The following GORASP2 variants were observed in gnomAD, a reference collection of about 807,000 sequenced individuals.
The protein encoded by GORASP2 is golgi reassembly stacking protein 2.
A neutral mutation model predicts 45.7 loss-of-function variants in GORASP2; 22 were observed. The observed-to-expected ratio is 0.48, with a 90% confidence interval of 0.34 to 0.69. GORASP2 has a LOEUF of 0.69. GORASP2 is among the 30% of genes least tolerant of loss of function. The pLI is 0.01. For missense variants in GORASP2, 491 were observed against 562.7 expected, an observed-to-expected ratio of 0.87 and a Z score of 1.29; for synonymous variants, 221 against 215.6, an observed-to-expected ratio of 1.02 and a Z score of -0.22.
chr2:170,964,590 T>C (rs1419694905), intron 9 of GORASP2, among the ~76,000 whole-genome samples: 1 of 151,862 alleles, frequency 6.6e-6, no homozygotes, highest in Non-Finnish European at 1.5e-5. Context: ...GAGGCGGAGG[T>C]TGTAGTGAGC....
At chr2:170,959,859 TC>T (rs1263283584) in intron 7 of GORASP2, among the ~76,000 whole-genome samples, 1 of 146,214 alleles carries the variant, frequency 6.8e-6, no homozygotes, top group Non-Finnish European at 1.5e-5. Flanking sequence ...TCTTGCTCTG[TC>T]GCTCAGGCTG....
intron 1 of GORASP2, among the ~76,000 whole-genome samples, chr2:170,934,929 GC>G (rs1703913002): frequency 6.6e-6 from 1 of 152,038 alleles, no homozygotes; most frequent in African/African-American, 2.4e-5. Flanking sequence ...GTAGAGATGG[GC>G]TTTCACCCTA....
chr2:170,965,214 C>G (rs1021363588), intron 9 of GORASP2, among the ~76,000 whole-genome samples: 2 of 152,142 alleles, frequency 1.3e-5, no homozygotes, highest in South Asian at 4.1e-4. Flanking sequence ...CACGCCTGGC[C>G]TTGCATTTTA....
rs1218396576 is a variant in GORASP2 at position 170,936,174 on chromosome 2, A to G, written c.63+6771A>G. 2.0e-5 allele frequency among the ~76,000 whole-genome samples: 3 copies of G among 151,368 alleles called. No individual in the cohort carries two copies. In the East Asian group the frequency reaches 5.8e-4, roughly 29 times the overall value. On this transcript the variant is annotated intron_variant, in intron 1 of 9. Coordinates refer to ENST00000234160, the MANE Select transcript of GORASP2 (RefSeq NM_015530.5). ...TATATTGATTGATTCACTATAAAATACTAATGTAAACTAGGAAATAGAAAG... is the reference window on the plus strand; with the variant it reads ...TATATTGATTGATTCACTATAAAATGCTAATGTAAACTAGGAAATAGAAAG...
chr2:170,934,517 C>G (rs1163318942), intron 1 of GORASP2, among the ~76,000 whole-genome samples: 2 of 152,082 alleles, frequency 1.3e-5, no homozygotes, highest in African/African-American at 4.8e-5. Context: ...GCCTCCACCT[C>G]CGACAAGTGC....
At position 170,966,495 on chromosome 2, in the gene GORASP2, A is replaced by G. The variant is rs777569508; in HGVS notation, c.*365A>G. 8 of 324,622 alleles carry G rather than the reference A, an allele frequency of 2.5e-5. No individual in the cohort carries two copies. The highest frequency in any genetic ancestry group is 8.7e-5 in the African/African-American group (4 of 45,882). The allele number at this position is 324,622 out of a possible 1,614,324, so 20.1% of individuals were successfully genotyped here. A position where few individuals can be genotyped will look rare whatever the true frequency, so the allele number is the denominator to read the frequency against. ...CTTCCGTAAGAAAATGAAATATTCT[A>G]TGCCTAATACTCACACGCAACATTT... On this transcript the variant is annotated 3_prime_UTR_variant, in exon 10 of 10. Coordinates refer to ENST00000234160, the MANE Select transcript of GORASP2 (RefSeq NM_015530.5).
chr2:170,954,357 AGT>A, intron 5 of GORASP2: 1 of 251,414 alleles, frequency 4.0e-6, no homozygotes, highest in Non-Finnish European at 7.5e-6. Flanking sequence ...ATAAATATGC[AGT>A]GTGTTGGATG....
chr2:170,929,979 A>G, intron 1 of GORASP2: 1 of 335,910 alleles, frequency 3.0e-6, no homozygotes, highest in Non-Finnish European at 6.2e-6. Flanking sequence ...GATTTTGACC[A>G]GACTTTTCCT....
chr2:170,960,048 T>A (rs1053991165), intron 7 of GORASP2, among the ~76,000 whole-genome samples: 3 of 152,122 alleles, frequency 2.0e-5, no homozygotes, highest in African/African-American at 2.4e-5. Context: ...CTTGAACCCC[T>A]GACCTCAGGT....
At chr2:170,940,513 A>G (rs1704050403) in intron 1 of GORASP2, among the ~76,000 whole-genome samples, 2 of 152,210 alleles carry the variant, frequency 1.3e-5, no homozygotes, top group African/African-American at 4.8e-5. Flanking sequence ...GGAAGAAGAG[A>G]TGAATGCTTC....
rs146844881 is a variant in GORASP2 at position 170,966,092 on chromosome 2, T to C, written c.1321T>C (p.Ser441Pro). The C allele has an allele frequency of 5.6e-6, 9 of 1,614,000 alleles. No individual in the cohort carries two copies. The African/African-American group carries it at 1.2e-4, about 22-fold the overall frequency. ...DSTPVSEKPV[S>P]AAVDANASES... is the part of the protein sequence containing the mutation. ...CACCCCAGTCAGCGAGAAGCCTGTT[T>C]CTGCGGCTGTGGATGCCAATGCTTC... is the stretch of plus-strand genomic sequence containing the variant. The change falls in exon 10 of 10, where the codon TCT becomes CCT. Residue 441 changes from serine (S) to proline (P), a missense_variant. This residue lies in a region of GORASP2 where 297 missense variants were observed against 292.3 expected (regional missense o/e 1.02). Coordinates refer to ENST00000234160, the MANE Select transcript of GORASP2 (RefSeq NM_015530.5).
chr2:170,961,272 AC>A (rs1704553116), intron 7 of GORASP2, among the ~76,000 whole-genome samples: 1 of 152,154 alleles, frequency 6.6e-6, no homozygotes, highest in Non-Finnish European at 1.5e-5. Context: ...TCCCCCTGCA[AC>A]CCCTGGCTTA....
intron 1 of GORASP2, among the ~76,000 whole-genome samples, chr2:170,937,897 A>C (rs1310201642): frequency 6.6e-6 from 1 of 152,242 alleles, no homozygotes; most frequent in Non-Finnish European, 1.5e-5. Flanking sequence ...CAACCACCAG[A>C]GACCACCTTT....
intron 9 of GORASP2, among the ~76,000 whole-genome samples, chr2:170,965,356 G>C (rs938141554): frequency 6.6e-6 from 1 of 152,200 alleles, no homozygotes; most frequent in African/African-American, 2.4e-5. Context: ...TGCTGCCTTC[G>C]CAGGAGGGTT....
intron 1 of GORASP2, among the ~76,000 whole-genome samples, chr2:170,946,516 G>A (rs746211264): frequency 5.9e-5 from 9 of 152,120 alleles, no homozygotes; most frequent in Non-Finnish European, 4.4e-5. Context: ...GAGAAGCTAA[G>A]TAATCTTTTT....
At chr2:170,963,667 A>T (rs1310394666) in intron 9 of GORASP2, among the ~76,000 whole-genome samples, 2 of 151,990 alleles carry the variant, frequency 1.3e-5, no homozygotes, top group Non-Finnish European at 1.5e-5. Context: ...TTTGAGACAG[A>T]GTCTTGCTTT....
intron 1 of GORASP2, among the ~76,000 whole-genome samples, chr2:170,939,987 A>G (rs1559308648): frequency 8.0e-6 from 1 of 125,040 alleles, no homozygotes; most frequent in Non-Finnish European, 1.8e-5. Context: ...TTTTAAAAGC[A>G]GTACAAGAGG....
rs367860044 is a variant in GORASP2 at position 170,966,156 on chromosome 2, G to A, written c.*26G>A. On this transcript the variant is annotated 3_prime_UTR_variant, in exon 10 of 10. Transcript: ENST00000234160. ...CTTTGAACCATTCTTTGGAATTGGC[G>A]TGGTATATTTAACCACGGGAGCGTG... The A allele has an allele frequency of 9.1e-6, 14 of 1,538,474 alleles. No homozygotes were observed. Among genetic ancestry groups the A allele is most frequent in the East Asian group, 4.5e-5 (2 of 44,584 alleles).
upstream of GORASP2, chr2:170,929,052 TC>T (rs1703746117): frequency 2.9e-6 from 1 of 347,756 alleles, no homozygotes; most frequent in South Asian, 1.4e-4. Flanking sequence ...TTCTGTTCTC[TC>T]GCGAGCACGA....
Sources: allele counts gnomAD v4.1 joint callset (sites outside exome capture counted in the v4.1 genomes callset), GRCh38; gene constraint gnomAD v4.1.1; regional missense constraint gnomAD v4.1.1; transcripts MANE v1.5; gene names NCBI Gene and HGNC (gene_info 2026-07-23, HGNC 2026-07-21).